The following SLC4A4 variants were observed in gnomAD, a reference collection of about 807,000 sequenced individuals.
SLC4A4 encodes the protein solute carrier family 4 member 4.
Under a neutral mutation model 111.5 loss-of-function variants are expected in SLC4A4, and 27 were observed. That is an observed-to-expected ratio of 0.24 (90% confidence interval 0.18 to 0.33). The LOEUF (loss-of-function observed/expected upper bound fraction) is 0.33, where lower values mean the gene tolerates loss of function less well. Ranked by LOEUF, SLC4A4 falls within the 10% of genes least tolerant of loss-of-function variation. The pLI is 1.00. For missense variants in SLC4A4, 909 were observed against 1,315.5 expected (o/e 0.69, Z 4.78); for synonymous variants, 443 against 463.4 (o/e 0.96, Z 0.57).
chr4:71,131,117 A>G (rs903491241), intron 2 of SLC4A4, among the ~76,000 whole-genome samples: 1 of 152,224 alleles, frequency 6.6e-6, no homozygotes, highest in Non-Finnish European at 1.5e-5. Flanking sequence ...CTTATTCATC[A>G]TGAGATCATG....
At chr4:71,087,063 A>T (rs931845104) in intron 1 of SLC4A4, among the ~76,000 whole-genome samples, 2 of 152,028 alleles carry the variant, frequency 1.3e-5, no homozygotes, top group Non-Finnish European at 2.9e-5. Flanking sequence ...TAAGCTATTA[A>T]TTAGTGCCTC....
chr4:71,510,176 G>A (rs2149173075), intron 16 of SLC4A4, among the ~76,000 whole-genome samples: 1 of 152,232 alleles, frequency 6.6e-6, no homozygotes, highest in South Asian at 2.1e-4. Context: ...GGGGCCTCCA[G>A]TTTGTCTTTT....
intron 1 of SLC4A4, among the ~76,000 whole-genome samples, chr4:71,209,577 T>C (rs1718001981): frequency 6.6e-6 from 1 of 152,232 alleles, no homozygotes. Context: ...TTCATTTTAT[T>C]GTATCTTTCT....
intron 2 of SLC4A4, among the ~76,000 whole-genome samples, chr4:71,095,339 AT>A (rs1216464890): frequency 6.6e-6 from 1 of 152,188 alleles, no homozygotes; most frequent in Non-Finnish European, 1.5e-5. Context: ...GTCTGCCAAG[AT>A]GTTCAGAGGC....
rs528189893 is a variant in SLC4A4 at position 71,219,459 on chromosome 4, C to T, written c.-1-17117C>T. On this transcript the variant is annotated intron_variant, in intron 1 of 25. Coordinates refer to ENST00000264485, the MANE Select transcript of SLC4A4 (RefSeq NM_001098484.3). ...ATTTTGCTGCTTATTGACAAAGTGC[C>T]TGGTTACCCAAAAGCTCTGATAAAG... is the stretch of plus-strand genomic sequence containing the variant. Among the ~76,000 whole-genome samples the T allele has an allele frequency of 1.3e-4, 20 of 152,252 alleles. No homozygotes were observed. In the South Asian group the frequency reaches 3.9e-3, roughly 30 times the overall value.
chr4:71,419,036 T>G (rs1722096012), intron 7 of SLC4A4, among the ~76,000 whole-genome samples: 1 of 152,212 alleles, frequency 6.6e-6, no homozygotes. Flanking sequence ...TGCAGCTGTC[T>G]GATCATTCCT....
At chr4:71,520,382 G>A (rs920928967) in intron 16 of SLC4A4, among the ~76,000 whole-genome samples, 6 of 152,138 alleles carry the variant, frequency 3.9e-5, no homozygotes, top group South Asian at 2.1e-4. Context: ...GCACAAGGTC[G>A]GATACAGACT....
At position 71,571,554 on chromosome 4, in the gene SLC4A4, T is replaced by C. The variant is rs569197275; in HGVS notation, c.*3803T>C. On this transcript the variant is annotated 3_prime_UTR_variant, in exon 26 of 26. Transcript: ENST00000264485. ...ATTTAGATATGTCCAATTTCCTGGC[T>C]CATTTCATTGTGCTCTATGGGTACG... is the stretch of plus-strand genomic sequence containing the variant. The C allele has an allele frequency of 2.0e-5, 3 of 152,376 alleles. No homozygotes were observed. The South Asian group carries it at 6.2e-4, about 32-fold the overall frequency. The allele number at this position is 152,376 out of a possible 1,614,324, so 9.4% of individuals were successfully genotyped here.
At chr4:71,458,507 T>C (rs1201952542) in intron 12 of SLC4A4, among the ~76,000 whole-genome samples, 2 of 152,074 alleles carry the variant, frequency 1.3e-5, no homozygotes, top group African/African-American at 2.4e-5. Context: ...ACAAACCTTT[T>C]AGCAAAAGAA....
intron 3 of SLC4A4, among the ~76,000 whole-genome samples, chr4:71,308,123 C>A (rs964895802): frequency 6.6e-6 from 1 of 152,122 alleles, no homozygotes; most frequent in African/African-American, 2.4e-5. Flanking sequence ...TCTTCTCTTG[C>A]CACATTTTCA....
At chr4:71,415,372 C>T (rs1472248727) in intron 7 of SLC4A4, among the ~76,000 whole-genome samples, 1 of 152,076 alleles carries the variant, frequency 6.6e-6, no homozygotes, top group African/African-American at 2.4e-5. Context: ...TATATTAGAA[C>T]TCTAATGTGA....
intron 2 of SLC4A4, among the ~76,000 whole-genome samples, chr4:71,165,176 C>G (rs963917898): frequency 2.6e-5 from 4 of 152,134 alleles, no homozygotes; most frequent in Admixed American, 6.5e-5. Context: ...CCAGAAATAC[C>G]ATTTGACCCA....
intron 16 of SLC4A4, among the ~76,000 whole-genome samples, chr4:71,497,960 G>A (rs1730565498): frequency 6.6e-6 from 1 of 152,040 alleles, no homozygotes; most frequent in Non-Finnish European, 1.5e-5. Context: ...AAAATGAGAT[G>A]AATTATATTT....
At chr4:71,247,976 G>T (rs528613858) in intron 2 of SLC4A4, among the ~76,000 whole-genome samples, 1 of 152,270 alleles carries the variant, frequency 6.6e-6, no homozygotes, top group African/African-American at 2.4e-5. Context: ...AGCTCTGGGG[G>T]AAACTTTGCC....
intron 5 of SLC4A4, among the ~76,000 whole-genome samples, chr4:71,350,840 A>G (rs1456625261): frequency 6.6e-6 from 1 of 152,072 alleles, no homozygotes; most frequent in African/African-American, 2.4e-5. Context: ...CTTCCCCATA[A>G]TCCCAGGGTA....
In SLC4A4 at chr4:71,236,094, C is replaced by T. The variant is rs190041910; in HGVS notation, c.-1-482C>T. 1.1e-3 allele frequency: 1,062 copies of T among 1,004,454 alleles called. 14 individuals carry two copies. In the Admixed American group the frequency reaches 0.033, roughly 31 times the overall value. The allele number at this position is 1,004,454 out of a possible 1,614,324, so 62.2% of individuals were successfully genotyped here. A position where few individuals can be genotyped will look rare whatever the true frequency, so the allele number is the denominator to read the frequency against. On this transcript the variant is annotated intron_variant, in intron 1 of 25. Transcript: ENST00000264485. ...TAGCCTACCTCCCTGTCGCTCTCTG[C>T]GTGTGGGTGGGTGTGCATGTGTGTG...
chr4:71,189,433 A>G (rs1222181335), intron 1 of SLC4A4, among the ~76,000 whole-genome samples: 1 of 152,204 alleles, frequency 6.6e-6, no homozygotes, highest in East Asian at 1.9e-4. Context: ...TGTTGTGTGA[A>G]AGAAATAAAG....
chr4:71,256,995 A>G (rs1721502686), intron 3 of SLC4A4, among the ~76,000 whole-genome samples: 1 of 152,226 alleles, frequency 6.6e-6, no homozygotes, highest in African/African-American at 2.4e-5. Flanking sequence ...AAATAGGCCC[A>G]GGAATTTTGA....
At chr4:71,277,470 C>T (rs1203888399) in intron 3 of SLC4A4, among the ~76,000 whole-genome samples, 2 of 151,798 alleles carry the variant, frequency 1.3e-5, no homozygotes, top group Non-Finnish European at 2.9e-5. Flanking sequence ...GTGCCCATTT[C>T]CTACTGGCTT....
Sources: allele counts gnomAD v4.1 joint callset (sites outside exome capture counted in the v4.1 genomes callset), GRCh38; gene constraint gnomAD v4.1.1; transcripts MANE v1.5; gene names NCBI Gene and HGNC (gene_info 2026-07-23, HGNC 2026-07-21).